CTNND2: variants seen among roughly 807,000 people sequenced by gnomAD.
CTNND2 encodes catenin delta 2, also known as catenin delta-2.
A neutral mutation model predicts 144.4 loss-of-function variants in CTNND2; 22 were observed. The ratio of observed to expected loss-of-function variants is 0.15; its 90% CI spans 0.11 to 0.22. CTNND2 has a LOEUF of 0.22. CTNND2 is among the 10% of genes least tolerant of loss of function. The probability of loss-of-function intolerance (pLI) is 1.00; values close to 1 mark genes in which losing one functional copy is unlikely to be tolerated. For missense variants in CTNND2, 1,353 were observed against 1,618.8 expected (o/e 0.84, Z 2.82); for synonymous variants, 751 against 695.6 (o/e 1.08, Z -1.25).
rs535236037 is a variant in CTNND2 at position 11,345,067 on chromosome 5, G to A, written c.1628+1305C>T. Among the ~76,000 whole-genome samples the A allele has an allele frequency of 1.1e-4, 16 of 152,126 alleles. 1 individual carries two copies. The South Asian group carries it at 3.3e-3, about 32-fold the overall frequency. On this transcript the variant is annotated intron_variant, in intron 9 of 21. Coordinates refer to ENST00000304623, the MANE Select transcript of CTNND2 (RefSeq NM_001332.4). ...ATTTTTGTCTTTTAGCATTTCTTAA[G>A]GGTTCACTATTACGCTATTTCTACA...
chr5:11,339,624 A>G (rs1228837633), intron 9 of CTNND2, among the ~76,000 whole-genome samples: 1 of 152,150 alleles, frequency 6.6e-6, no homozygotes, highest in Admixed American at 6.5e-5. Flanking sequence ...GTAGGCTGAA[A>G]CCTAATCACA....
chr5:11,168,054 T>C (rs1759527058), intron 11 of CTNND2, among the ~76,000 whole-genome samples: 1 of 152,120 alleles, frequency 6.6e-6, no homozygotes, highest in Non-Finnish European at 1.5e-5. Flanking sequence ...ACTTTTGTTT[T>C]CAGAGCCTGA....
At chr5:11,741,253 A>G (rs913820017) in intron 1 of CTNND2, among the ~76,000 whole-genome samples, 3 of 152,168 alleles carry the variant, frequency 2.0e-5, no homozygotes, top group Non-Finnish European at 2.9e-5. Flanking sequence ...ATTCTACTAT[A>G]AAGACACATG....
At chr5:11,618,636 C>T (rs576540708) in intron 2 of CTNND2, among the ~76,000 whole-genome samples, 3 of 152,272 alleles carry the variant, frequency 2.0e-5, no homozygotes, top group Non-Finnish European at 4.4e-5. Flanking sequence ...TTTTTCCACA[C>T]CTCTGACTAT....
chr5:11,061,940 C>T (rs1311714126), intron 16 of CTNND2, among the ~76,000 whole-genome samples: 1 of 152,112 alleles, frequency 6.6e-6, no homozygotes, highest in Non-Finnish European at 1.5e-5. Flanking sequence ...AACTCCTGAC[C>T]TCAGGTGATC....
chr5:11,116,101 T>G (rs1342248074), intron 13 of CTNND2, among the ~76,000 whole-genome samples: 1 of 152,218 alleles, frequency 6.6e-6, no homozygotes, highest in Non-Finnish European at 1.5e-5. Context: ...CACAAACTTG[T>G]GACCAGAGTT....
chr5:11,132,143 A>G (rs1370519041), intron 12 of CTNND2, among the ~76,000 whole-genome samples: 1 of 152,034 alleles, frequency 6.6e-6, no homozygotes, highest in African/African-American at 2.4e-5. Context: ...CCTCTAAAAT[A>G]TTGTTTTATT....
rs138942415 is a variant in CTNND2, at chr5:11,594,210, A to G, written c.175-29154T>C. Among the ~76,000 whole-genome samples, 724 of 152,366 alleles carry G rather than the reference A, an allele frequency of 4.8e-3. 30 individuals carry two copies. The highest frequency in any genetic ancestry group is 0.044 in the Admixed American group (674 of 15,306). On this transcript the variant is annotated intron_variant, in intron 2 of 21. Transcript: ENST00000304623. ...CGTACACAGTGAAATACTATTCAGC[A>G]AAGTAAATAAATCATGTATAACCAG...
At chr5:11,650,190 T>C (rs1175117608) in intron 2 of CTNND2, among the ~76,000 whole-genome samples, 1 of 152,040 alleles carries the variant, frequency 6.6e-6, no homozygotes, top group African/African-American at 2.4e-5. Context: ...TCCCATGAGA[T>C]CTGGTTGTTT....
chr5:11,752,258 C>T (rs1788665309), intron 1 of CTNND2, among the ~76,000 whole-genome samples: 1 of 151,670 alleles, frequency 6.6e-6, no homozygotes, highest in Non-Finnish European at 1.5e-5. Context: ...TTGGTGTCTC[C>T]ATCATGAAAT....
intron 2 of CTNND2, among the ~76,000 whole-genome samples, chr5:11,640,050 T>C (rs1005144848): frequency 6.6e-6 from 1 of 152,224 alleles, no homozygotes; most frequent in Non-Finnish European, 1.5e-5. Flanking sequence ...TGGGTATTGT[T>C]GCATGTTGAA....
chr5:11,555,853 A>T (rs1452966493), intron 3 of CTNND2, among the ~76,000 whole-genome samples: 1 of 152,160 alleles, frequency 6.6e-6, no homozygotes, highest in East Asian at 1.9e-4. Flanking sequence ...AGACAGAAAA[A>T]CTTGGAAAAA....
Position 11,111,041 on chromosome 5 carries a change from G to A in CTNND2, c.2280C>T (p.Thr760=), listed in dbSNP as rs377217695. 4.3e-6 allele frequency: 7 copies of A among 1,611,394 alleles called. No homozygotes were observed. The highest frequency in any genetic ancestry group is 2.2e-5 in the East Asian group (1 of 44,780). Residue 760 remains threonine (T), a splice_region_variant and synonymous_variant, in exon 14 of 22, where the codon ACC becomes ACT. Transcript: ENST00000304623. ...ALGSSEIDSK[T]VENCVCILRN... Reference sequence around the variant, plus strand: ...TTAAAATGCACACACAGTTTTCAACGGTCTGCAGAAAAGGGGGAAACAGAG... The same window carrying A: ...TTAAAATGCACACACAGTTTTCAACAGTCTGCAGAAAAGGGGGAAACAGAG...
chr5:11,475,714 T>G (rs912298169), intron 3 of CTNND2, among the ~76,000 whole-genome samples: 3 of 152,200 alleles, frequency 2.0e-5, no homozygotes, highest in Non-Finnish European at 4.4e-5. Flanking sequence ...TATGCCACTT[T>G]TTATATTTAA....
chr5:11,396,490 C>T (rs79647139), intron 6 of CTNND2, among the ~76,000 whole-genome samples: 1 of 152,228 alleles, frequency 6.6e-6, no homozygotes, highest in East Asian at 1.9e-4. Context: ...CTTAAAGAAA[C>T]AATGGAGGGC....
chr5:11,231,468 G>C (rs1313377803), intron 10 of CTNND2, among the ~76,000 whole-genome samples: 1 of 152,210 alleles, frequency 6.6e-6, no homozygotes, highest in Non-Finnish European at 1.5e-5. Flanking sequence ...GGTGGTCTCA[G>C]ATAGATATGC....
chr5:11,627,695 G>A (rs145668171), intron 2 of CTNND2, among the ~76,000 whole-genome samples: 19 of 151,716 alleles, frequency 1.3e-4, no homozygotes, highest in African/African-American at 4.4e-4. Flanking sequence ...TCCAGGCTGG[G>A]TGTGGGGGAG....
intron 2 of CTNND2, among the ~76,000 whole-genome samples, chr5:11,681,536 C>T (rs960235524): frequency 6.6e-6 from 1 of 152,102 alleles, no homozygotes; most frequent in African/African-American, 2.4e-5. Context: ...TCTAAGAAAT[C>T]CTGCTCTTGA....
intron 2 of CTNND2, among the ~76,000 whole-genome samples, chr5:11,612,951 C>G (rs764019254): frequency 2.6e-5 from 4 of 152,120 alleles, no homozygotes; most frequent in African/African-American, 4.8e-5. Context: ...TTTCATCATT[C>G]TCCAGGAGTA....
Sources: allele counts gnomAD v4.1 joint callset (sites outside exome capture counted in the v4.1 genomes callset), GRCh38; gene constraint gnomAD v4.1.1; transcripts MANE v1.5; gene names NCBI Gene and HGNC (gene_info 2026-07-23, HGNC 2026-07-21).